EYS: variants seen among roughly 807,000 people sequenced by gnomAD.
EYS encodes the protein protein eyes shut homolog.
A neutral mutation model predicts 282.1 loss-of-function variants in EYS; 250 were observed. That is an observed-to-expected ratio of 0.89 (90% CI 0.80 to 0.98). The LOEUF is 0.98. Among genes scored for constraint, EYS ranks in the 50% least tolerant of loss-of-function variants. EYS has a pLI of 0.00. For synonymous variants in EYS, 1,355 were observed against 1,282.9 expected, an observed-to-expected ratio of 1.06 and a Z score of -1.20; for missense variants, 4,016 against 3,709.0, an observed-to-expected ratio of 1.08 and a Z score of -2.15.
intron 30 of EYS, among the ~76,000 whole-genome samples, chr6:64,263,134 T>C (rs1378676163): frequency 6.6e-6 from 1 of 152,096 alleles, no homozygotes; most frequent in Non-Finnish European, 1.5e-5. Context: ...AGAAGTAATC[T>C]GTATTATTAA....
At chr6:65,615,800 G>A (rs775720123) in intron 2 of EYS, among the ~76,000 whole-genome samples, 22 of 151,934 alleles carry the variant, frequency 1.4e-4, no homozygotes, top group Admixed American at 3.3e-4. Flanking sequence ...CGGTCGTGGT[G>A]GCGGGCGCCT....
At chr6:64,168,409 G>A (rs975682326) in intron 31 of EYS, among the ~76,000 whole-genome samples, 19 of 152,100 alleles carry the variant, frequency 1.2e-4, no homozygotes, top group African/African-American at 3.4e-4. Context: ...AAAGTTAAAC[G>A]TAAGTTTACA....
At chr6:64,648,549 T>TA (rs1423992038) in intron 22 of EYS, among the ~76,000 whole-genome samples, 2 of 152,164 alleles carry the variant, frequency 1.3e-5, no homozygotes, top group Non-Finnish European at 2.9e-5. Flanking sequence ...TAAGGGCACT[T>TA]AAAAAACTGA....
intron 36 of EYS, among the ~76,000 whole-genome samples, chr6:63,845,690 A>G (rs1040010475): frequency 6.6e-6 from 1 of 151,758 alleles, no homozygotes; most frequent in Admixed American, 6.6e-5. Flanking sequence ...ACTTTTTTTT[A>G]TCAAGTTATA....
At chr6:65,434,015 C>T (rs1000197679) in intron 5 of EYS, among the ~76,000 whole-genome samples, 11 of 152,312 alleles carry the variant, frequency 7.2e-5, no homozygotes, top group African/African-American at 2.6e-4. Context: ...ACACTTTCAA[C>T]AGAAATACAG....
At chr6:65,177,060 T>A (rs144140121) in intron 12 of EYS, among the ~76,000 whole-genome samples, 1,587 of 151,896 alleles carry the variant, frequency 0.01, 13 homozygotes, top group Non-Finnish European at 0.016. Context: ...AATGCCTGTA[T>A]AAACATAACA....
chr6:64,919,096 T>C (rs1038531046), intron 15 of EYS, among the ~76,000 whole-genome samples: 3 of 152,224 alleles, frequency 2.0e-5, no homozygotes, highest in Admixed American at 1.3e-4. Context: ...AGAGTTCTAC[T>C]AGGCAGATTA....
intron 26 of EYS, among the ~76,000 whole-genome samples, chr6:64,510,614 CA>C (rs976800546): frequency 3.7e-4 from 56 of 151,978 alleles, no homozygotes; most frequent in Non-Finnish European, 6.5e-4. Context: ...GTGCGCTGCA[CA>C]AAAAATGAAT....
chr6:64,762,776 C>T (rs966664924), intron 22 of EYS, among the ~76,000 whole-genome samples: 2 of 152,036 alleles, frequency 1.3e-5, no homozygotes, highest in African/African-American at 4.8e-5. Context: ...TTTTTCTTTG[C>T]AATACTGATT....
At chr6:64,960,513 C>A (rs1271186034) in intron 14 of EYS, among the ~76,000 whole-genome samples, 1 of 151,750 alleles carries the variant, frequency 6.6e-6, no homozygotes, top group Non-Finnish European at 1.5e-5. Flanking sequence ...ATAGGTTTTC[C>A]TTTTCATTTT....
chr6:64,764,975 G>A (rs1562178835), intron 22 of EYS, among the ~76,000 whole-genome samples: 1 of 152,174 alleles, frequency 6.6e-6, no homozygotes, highest in Non-Finnish European at 1.5e-5. Flanking sequence ...GACCTCAGAT[G>A]TACCACCTAC....
intron 13 of EYS, among the ~76,000 whole-genome samples, chr6:65,020,502 T>C (rs973467805): frequency 1.3e-5 from 2 of 152,218 alleles, no homozygotes; most frequent in African/African-American, 2.4e-5. Context: ...GCTCTGTCCC[T>C]GTGGTTTTGC....
chr6:64,968,581 G>A (rs1205766421), intron 14 of EYS, among the ~76,000 whole-genome samples: 1 of 152,060 alleles, frequency 6.6e-6, no homozygotes, highest in East Asian at 1.9e-4. Context: ...GCTCGAAGCA[G>A]TATTATTTTT....
At chr6:64,567,465 A>G (rs1011090463) in intron 26 of EYS, among the ~76,000 whole-genome samples, 2 of 152,176 alleles carry the variant, frequency 1.3e-5, no homozygotes, top group Admixed American at 1.3e-4. Context: ...CACACACACA[A>G]ATAAATATAA....
Position 63,958,034 on chromosome 6 carries a change from C to A in EYS, c.7055+26349G>T, listed in dbSNP as rs576943729. On this transcript the variant is annotated intron_variant, in intron 35 of 42. Coordinates refer to ENST00000503581, the MANE Select transcript of EYS (RefSeq NM_001142800.2). ...TTCTTGTTTCTCCTTAATTCAAGAA[C>A]AAGAATTTTCAAGACGTTTATAGAT... Among the ~76,000 whole-genome samples, 2 of 140,344 alleles carry A rather than the reference C, an allele frequency of 1.4e-5. 1 individual carries two copies. The highest frequency in any genetic ancestry group is 3.2e-5 in the Non-Finnish European group (2 of 61,796). The allele number at this position is 140,344 out of a possible 152,430, so 92.1% of individuals were successfully genotyped here.
chr6:63,855,660 AC>A (rs1772372330), intron 36 of EYS, among the ~76,000 whole-genome samples: 1 of 152,146 alleles, frequency 6.6e-6, no homozygotes, highest in South Asian at 2.1e-4. Context: ...TAGGGTGTCT[AC>A]CTTCATGAAA....
intron 22 of EYS, among the ~76,000 whole-genome samples, chr6:64,663,407 T>A (rs1009207052): frequency 3.3e-5 from 5 of 152,156 alleles, no homozygotes; most frequent in African/African-American, 7.2e-5. Context: ...AGTAAATTGG[T>A]CATGGTAGAC....
chr6:64,110,552 A>G (rs1773172408), intron 31 of EYS, among the ~76,000 whole-genome samples: 1 of 152,050 alleles, frequency 6.6e-6, no homozygotes, highest in South Asian at 2.1e-4. Flanking sequence ...TCTGAAGTTT[A>G]CAGGCATGAT....
intron 30 of EYS, among the ~76,000 whole-genome samples, chr6:64,232,531 A>T (rs1766455080): frequency 6.6e-6 from 1 of 152,074 alleles, no homozygotes; most frequent in Non-Finnish European, 1.5e-5. Flanking sequence ...CTGGGATTAC[A>T]GGCACCCGCC....
Sources: gnomAD v4.1 joint callset for allele counts (sites outside exome capture counted in the v4.1 genomes callset) on GRCh38, gnomAD v4.1.1 for gene constraint, MANE v1.5 for transcripts, NCBI Gene and HGNC (gene_info 2026-07-23, HGNC 2026-07-21) for gene names.